Variants in ITK observed in about 807,000 individuals in gnomAD.
The protein encoded by ITK is IL2 inducible T cell kinase, also known as tyrosine-protein kinase ITK/TSK.
A neutral mutation model predicts 87.6 loss-of-function variants in ITK; 45 were observed. The observed-to-expected ratio is 0.51, with a 90% CI of 0.40 to 0.66. ITK has a LOEUF of 0.66. Among genes scored for constraint, ITK ranks in the 30% least tolerant of loss-of-function variants. The probability of loss-of-function intolerance (pLI) is 0.00; values close to 1 mark genes in which losing one functional copy is unlikely to be tolerated. For synonymous variants in ITK, 303 were observed against 273.6 expected, an observed-to-expected ratio of 1.11 and a Z score of -1.06; for missense variants, 605 against 766.3, an observed-to-expected ratio of 0.79 and a Z score of 2.48.
At chr5:157,245,147 C>A in intron 13 of ITK, 1 of 173,034 alleles carries the variant, frequency 5.8e-6, no homozygotes, top group Non-Finnish European at 1.2e-5. Context: ...ATCACTTGAA[C>A]CCAGGAGGCA....
chr5:157,213,022 T>C (rs1424105470), intron 3 of ITK, among the ~76,000 whole-genome samples: 1 of 152,182 alleles, frequency 6.6e-6, no homozygotes, highest in Non-Finnish European at 1.5e-5. Context: ...TGAGACAGTG[T>C]ATTAGTCCAT....
chr5:157,246,687 T>TC (rs1394902300), intron 15 of ITK, among the ~76,000 whole-genome samples: 1 of 152,112 alleles, frequency 6.6e-6, no homozygotes, highest in Non-Finnish European at 1.5e-5. Flanking sequence ...AAGGCCTTTC[T>TC]CAGAAGGTAA....
At chr5:157,183,928 T>A (rs1302331446) in intron 1 of ITK, among the ~76,000 whole-genome samples, 1 of 152,214 alleles carries the variant, frequency 6.6e-6, no homozygotes, top group Non-Finnish European at 1.5e-5. Context: ...AAATCATGCC[T>A]ATTGTCATTA....
intron 8 of ITK, among the ~76,000 whole-genome samples, chr5:157,233,304 TA>T (rs1554102372): frequency 6.6e-6 from 1 of 152,208 alleles, no homozygotes; most frequent in Non-Finnish European, 1.5e-5. Flanking sequence ...ATTGGGACTT[TA>T]TTGGGAAACA....
chr5:157,204,927 G>A (rs548158356), intron 1 of ITK, among the ~76,000 whole-genome samples: 1 of 151,992 alleles, frequency 6.6e-6, no homozygotes, highest in Non-Finnish European at 1.5e-5. Flanking sequence ...TCTCAGTTCT[G>A]TTCCTCAGCT....
rs774040719 is a variant in ITK, at chr5:157,208,899, C to G, written c.149C>G (p.Thr50Arg). 2 of 1,612,576 alleles carry G rather than the reference C, an allele frequency of 1.2e-6. No homozygotes were observed. Residue 50 changes from threonine to arginine, a missense_variant, in exon 2 of 17, where the codon ACG (threonine) becomes AGG (arginine). This residue lies in a region of ITK where 464 missense variants were observed against 578.0 expected (regional missense o/e 0.80). Coordinates refer to ENST00000422843, the MANE Select transcript of ITK (RefSeq NM_005546.4). ...CTTCTCTCCCCACAGAAGAAGCGCA[C>G]GCTGAAGGGGTCCATTGAGCTCTCC... The part of the protein sequence containing the change: ...YFEDRHGKKR[T>R]LKGSIELSRI...
rs1039601101 is a variant in ITK at position 157,253,183 on chromosome 5, G to C, written c.*505G>C. 2.1e-5 allele frequency: 6 copies of C among 282,762 alleles called. No homozygotes were observed. The highest frequency in any genetic ancestry group is 1.3e-4 in the African/African-American group (6 of 47,446). The allele number at this position is 282,762 out of a possible 1,614,324, so 17.5% of individuals were successfully genotyped here. ...AAAACTGGTGAGTTAAGTAAGATTA[G>C]AGTGAGTGTGCTCTGTTGCTGTGAT... On this transcript the variant is annotated 3_prime_UTR_variant, in exon 17 of 17. Coordinates refer to ENST00000422843, the MANE Select transcript of ITK (RefSeq NM_005546.4).
intron 2 of ITK, 120 bp from the exon 3 acceptor site, chr5:157,211,167 C>A (rs1754184073): frequency 2.4e-6 from 2 of 817,596 alleles, no homozygotes; most frequent in South Asian, 1.4e-5. Flanking sequence ...CCTAATTACC[C>A]AAATGTTTGC....
chr5:157,240,311 A>T (rs1754863621), intron 10 of ITK, 116 bp downstream of exon 10: 7 of 969,364 alleles, frequency 7.2e-6, no homozygotes, highest in Non-Finnish European at 1.1e-5. Context: ...AGATTCTCAT[A>T]AGAGTGCAAG....
intron 1 of ITK, among the ~76,000 whole-genome samples, chr5:157,183,257 G>C (rs918554269): frequency 6.6e-6 from 1 of 152,064 alleles, no homozygotes; most frequent in Non-Finnish European, 1.5e-5. Context: ...TTGCACACAA[G>C]GCTGCATTAA....
chr5:157,182,759 T>A (rs1753562893), intron 1 of ITK, among the ~76,000 whole-genome samples: 1 of 152,228 alleles, frequency 6.6e-6, no homozygotes, highest in South Asian at 2.1e-4. Flanking sequence ...CACCAGTTCG[T>A]TTTTCTGATT....
intron 12 of ITK, 36 bp downstream of exon 12, chr5:157,243,830 G>C: frequency 6.3e-7 from 1 of 1,596,268 alleles, no homozygotes; most frequent in Non-Finnish European, 8.6e-7. Context: ...AGAAACTCTG[G>C]GGGGAACATC....
At chr5:157,200,712 A>G (rs1753953496) in intron 1 of ITK, among the ~76,000 whole-genome samples, 1 of 152,180 alleles carries the variant, frequency 6.6e-6, no homozygotes, top group South Asian at 2.1e-4. Flanking sequence ...GGAACATGAA[A>G]TCCATCCCAA....
chr5:157,246,052 G>C (rs1214042873), intron 15 of ITK, 53 bp downstream of exon 15: 5 of 1,239,392 alleles, frequency 4.0e-6, no homozygotes, highest in Middle Eastern at 2.3e-4. Flanking sequence ...CAGGCCAGCT[G>C]TTTCCTTTAT....
rs760854381 is a variant in ITK at position 157,241,733 on chromosome 5, A to G, written c.1060+13A>G. On this transcript the variant is annotated intron_variant, in intron 11 of 16. Coordinates refer to ENST00000422843, the MANE Select transcript of ITK (RefSeq NM_005546.4). ...GGGCTGAGATACGGTGAGCAGTACA[A>G]TCAGGAATGTAAACTCATGTCCCTA... The G allele has an allele frequency of 2.5e-6, 4 of 1,605,556 alleles. No homozygotes were observed. The highest frequency in any genetic ancestry group is 3.4e-6 in the Non-Finnish European group (4 of 1,172,500).
At chr5:157,198,413 T>A (rs1163922494) in intron 1 of ITK, among the ~76,000 whole-genome samples, 1 of 152,210 alleles carries the variant, frequency 6.6e-6, no homozygotes. Context: ...AGTGAAATTG[T>A]TTTCCTCATA....
intron 1 of ITK, among the ~76,000 whole-genome samples, chr5:157,193,139 TA>T (rs1489176296): frequency 6.6e-6 from 1 of 152,194 alleles, no homozygotes; most frequent in Non-Finnish European, 1.5e-5. Context: ...GAGGATTGCT[TA>T]AGCCCAGGAG....
chr5:157,214,409 C>A, intron 4 of ITK, 90 bp downstream of exon 4: 1 of 1,050,814 alleles, frequency 9.5e-7, no homozygotes, highest in Non-Finnish European at 1.5e-6. Context: ...GTGTCAGGAA[C>A]AGAATGCAAA....
intron 1 of ITK, among the ~76,000 whole-genome samples, chr5:157,188,835 T>A (rs2113737835): frequency 6.6e-6 from 1 of 152,312 alleles, no homozygotes. Flanking sequence ...AGTATCTGCA[T>A]TTATTTGTTA....
Sources: allele counts gnomAD v4.1 joint callset (sites outside exome capture counted in the v4.1 genomes callset), GRCh38; gene constraint gnomAD v4.1.1; regional missense constraint gnomAD v4.1.1; transcripts MANE v1.5; gene names NCBI Gene and HGNC (gene_info 2026-07-23, HGNC 2026-07-21).